Variants in ZNF48 observed in about 807,000 individuals in gnomAD.
ZNF48 encodes zinc finger protein 553.
ZNF48 carries 20 observed loss-of-function variants against 40.0 expected under a neutral mutation model. The ratio of observed to expected loss-of-function variants is 0.50; its 90% CI spans 0.35 to 0.73. ZNF48 has a LOEUF of 0.73. Among genes scored for constraint, ZNF48 ranks in the 30% least tolerant of loss-of-function variants. The pLI is 0.01. For synonymous variants in ZNF48, 298 were observed against 329.7 expected, an observed-to-expected ratio of 0.90 and a Z score of 1.04; for missense variants, 726 against 851.9, an observed-to-expected ratio of 0.85 and a Z score of 1.84.
chr16:30,380,970 A>G, intron 1 of ZNF48: 1 of 711,446 alleles, frequency 1.4e-6, no homozygotes, highest in Non-Finnish European at 2.5e-6. Flanking sequence ...AGACATGGCT[A>G]TGCTGGCGGC....
chr16:30,387,818 C>G (rs558579907), intron 1 of ZNF48, among the ~76,000 whole-genome samples: 1 of 152,106 alleles, frequency 6.6e-6, no homozygotes, highest in African/African-American at 2.4e-5. Context: ...CTTGGCCTCC[C>G]AATCACTATC....
At chr16:30,390,533 C>G (rs1345386189), upstream of ZNF48, among the ~76,000 whole-genome samples, 2 of 150,454 alleles carry the variant, frequency 1.3e-5, no homozygotes, top group Non-Finnish European at 3.0e-5. Flanking sequence ...CTCAGCCTCC[C>G]GAGTAGCTGG....
Position 30,382,423 on chromosome 16 carries a change from A to G in ZNF48, c.-16+4013A>G. 5.7e-6 allele frequency: 9 copies of G among 1,569,080 alleles called. No individual in the cohort carries two copies. Among genetic ancestry groups the G allele is most frequent in the Non-Finnish European group, 7.0e-6 (8 of 1,146,700 alleles). On this transcript the variant is annotated intron_variant, in intron 1 of 2. Transcript: ENST00000528032. The surrounding 1 kb of genome is among the most constrained non-coding windows in gnomAD (Gnocchi z 4.8). ...GGCAATGGCAGGCAGGGTCCCCAGG[A>G]TCACTTGAGTTCCTGGGCTAGGAAG...
At chr16:30,384,086 G>A (rs569577871) in intron 1 of ZNF48, among the ~76,000 whole-genome samples, 43 of 152,050 alleles carry the variant, frequency 2.8e-4, no homozygotes, top group Admixed American at 1.4e-3. Context: ...ATGGTGGTGC[G>A]TACCTATAAT....
rs949561335 is a variant in ZNF48, at chr16:30,396,032, C to T, written c.79+159C>T. The T allele has an allele frequency of 8.8e-6, 6 of 679,356 alleles. No homozygotes were observed. The Admixed American group carries it at 1.4e-4, about 16-fold the overall frequency. 42.1% of individuals were successfully genotyped at this position (679,356 alleles called of 1,614,324 possible). On this transcript the variant is annotated intron_variant, in intron 2 of 2. Transcript: ENST00000613509. ...TTCGGAGCACCAACTGTGCGCCAGGCCGGGAGGGGCTCTTCACGGCCTCTG... is the reference window on the plus strand; with the variant it reads ...TTCGGAGCACCAACTGTGCGCCAGGTCGGGAGGGGCTCTTCACGGCCTCTG...
In ZNF48 at chr16:30,388,941, C is replaced by A. The variant is rs186935347; in HGVS notation, c.-15-6839C>A. Among the ~76,000 whole-genome samples, 385 of 151,442 alleles carry A rather than the reference C, an allele frequency of 2.5e-3. 2 individuals are homozygous for A. The highest frequency in any genetic ancestry group is 4.0e-3 in the Non-Finnish European group (274 of 67,758). On this transcript the variant is annotated intron_variant, in intron 1 of 2. Transcript: ENST00000528032. ...TAAATAAAAATAAAAACAAAAACAACAACAAAAAGAAAACAACCCTGCAAA... is the reference window on the plus strand; with the variant it reads ...TAAATAAAAATAAAAACAAAAACAAAAACAAAAAGAAAACAACCCTGCAAA...
At chr16:30,378,863 G>GGAGAGGGGGAGAGAGA (rs2049794130) in intron 1 of ZNF48, among the ~76,000 whole-genome samples, 1 of 140,224 alleles carries the variant, frequency 7.1e-6, no homozygotes, top group African/African-American at 2.7e-5. Context: ...GGGGAGAGAG[G>GGAGAGGGGGAGAGAGA]GAGAGACGGA....
Position 30,399,182 on chromosome 16 carries a change from G to C in ZNF48, c.*75G>C, listed in dbSNP as rs1056474547. On this transcript the variant is annotated 3_prime_UTR_variant, in exon 3 of 3. Coordinates refer to ENST00000613509, the MANE Select transcript of ZNF48 (RefSeq NM_001214909.2). ...CCGCTTAGCAGAGAAGAAAGGGCCT[G>C]GGAGGTGGTGGGAGGGAGAAGGAAG... 38 of 1,346,604 alleles carry C rather than the reference G, an allele frequency of 2.8e-5. No individual in the cohort carries two copies. The highest frequency in any genetic ancestry group is 3.8e-5 in the Non-Finnish European group (38 of 999,090). 83.4% of individuals were successfully genotyped at this position (1,346,604 alleles called of 1,614,324 possible). A position where few individuals can be genotyped will look rare whatever the true frequency, so the allele number is the denominator to read the frequency against.
chr16:30,381,215 C>T lies in ZNF48; in HGVS notation c.-16+2805C>T, dbSNP rs959407820. 30 of 1,613,840 alleles carry T rather than the reference C, an allele frequency of 1.9e-5. No homozygotes were observed. Among genetic ancestry groups the T allele is most frequent in the East Asian group, 1.8e-4 (8 of 44,894 alleles). On this transcript the variant is annotated intron_variant, in intron 1 of 2. Coordinates refer to the ZNF48 transcript ENST00000528032. The surrounding 1 kb of genome is among the most constrained non-coding windows in gnomAD (Gnocchi z 4.3). ...GATGTTGACTTTCTCGTGTACTGCC[C>T]GGAGGAAGGCCACATCTAGGGGCCG... is the stretch of plus-strand genomic sequence containing the variant.
At position 30,398,172 on chromosome 16, in the gene ZNF48, T is replaced by C; in HGVS notation, c.922T>C (p.Cys308Arg). 6.2e-7 allele frequency: 1 copy of C among 1,614,080 alleles called. No homozygotes were observed. The highest frequency in any genetic ancestry group is 8.5e-7 in the Non-Finnish European group (1 of 1,179,988). Residue 308 changes from cysteine to arginine, a missense_variant, in exon 3 of 3, where the codon TGT becomes CGT. This residue lies in a region of ZNF48 where 378 missense variants were observed against 449.1 expected (regional missense o/e 0.84). Transcript: ENST00000613509. The surrounding 1 kb of genome is among the most constrained non-coding windows in gnomAD (Gnocchi z 6.6). Reference sequence around the variant, plus strand: ...GCCCAAGCCCTTTGGCTGTGATGTGTGTGGAAAGGAGTTTGCCCGGGGATC... The same window carrying C: ...GCCCAAGCCCTTTGGCTGTGATGTGCGTGGAAAGGAGTTTGCCCGGGGATC... Reference protein sequence around the residue: ...LGPKPFGCDVCGKEFARGSDL... With the variant: ...LGPKPFGCDVRGKEFARGSDL...
Position 30,381,977 on chromosome 16 carries a change from A to G in ZNF48, c.-16+3567A>G. ...TCACAGTTGCCTGCACCCATTTCCC[A>G]GGGGAGGAAAGTCTCAGAAAAAAAG... On this transcript the variant is annotated intron_variant, in intron 1 of 2. Transcript: ENST00000528032. This position sits in a 1 kb window ranked among gnomAD's most constrained non-coding sequence, Gnocchi z 4.3. 1 of 1,603,570 alleles carries G rather than the reference A, an allele frequency of 6.2e-7. No homozygotes were observed. The highest frequency in any genetic ancestry group is 8.5e-7 in the Non-Finnish European group (1 of 1,173,360).
intron 1 of ZNF48, chr16:30,379,356 A>G (rs41292378): frequency 0.019 from 26,934 of 1,453,478 alleles, 312 homozygotes; most frequent in Non-Finnish European, 0.022. Context: ...GCCCACCCCA[A>G]CTTCACATGT....
chr16:30,398,575 C>A lies in ZNF48; in HGVS notation c.1325C>A (p.Pro442His), dbSNP rs775537160. ...GGGGGCCCACAGGCTGGGGAGCCAC[C>A]CCCACCACTGGCGGGCGACAAGCCC... ...EPGGPQAGEP[P>H]PPLAGDKPHK... The change falls in exon 3 of 3, where the codon CCC becomes CAC. Residue 442 changes from proline (P) to histidine (H), a missense_variant. Physicochemically the swap from Pro to His is moderately conservative, Grantham distance 77. This residue lies in a region of ZNF48 where 378 missense variants were observed against 449.1 expected (regional missense o/e 0.84). Transcript: ENST00000613509. This position sits in a 1 kb window ranked among gnomAD's most constrained non-coding sequence, Gnocchi z 6.6. The A allele has an allele frequency of 6.2e-7, 1 of 1,612,060 alleles. No homozygotes were observed. Among genetic ancestry groups the A allele is most frequent in the South Asian group, 1.1e-5 (1 of 91,038 alleles).
In ZNF48 at chr16:30,382,597, G is replaced by T. The variant is rs778087030; in HGVS notation, c.-16+4187G>T. The T allele has an allele frequency of 2.6e-6, 4 of 1,558,522 alleles. No homozygotes were observed. Among genetic ancestry groups the T allele is most frequent in the Non-Finnish European group, 3.5e-6 (4 of 1,151,030 alleles). On this transcript the variant is annotated intron_variant, in intron 1 of 2. Transcript: ENST00000528032. This position sits in a 1 kb window ranked among gnomAD's most constrained non-coding sequence, Gnocchi z 4.8. ...TCTGGTGGGGCAGGAAGCTGAGTGC[G>T]GCTAACAAGGGGGCGGGCAGAAGAG...
chr16:30,385,894 G>C (rs2049897208), intron 1 of ZNF48, among the ~76,000 whole-genome samples: 2 of 152,138 alleles, frequency 1.3e-5, no homozygotes. Context: ...GGGAGGCTGA[G>C]GTGGGAGGAT....
chr16:30,398,778 C>A lies in ZNF48; in HGVS notation c.1528C>A (p.Pro510Thr). 1 of 1,613,802 alleles carries A rather than the reference C, an allele frequency of 6.2e-7. No homozygotes were observed. Among genetic ancestry groups the A allele is most frequent in the East Asian group, 2.2e-5 (1 of 44,884 alleles). Residue 510 changes from proline (P) to threonine (T), a missense_variant, in exon 3 of 3, where the codon CCA (proline) becomes ACA (threonine). Transcript: ENST00000613509. This position sits in a 1 kb window ranked among gnomAD's most constrained non-coding sequence, Gnocchi z 6.6. ...CCGTGGTGAACGGGCCCGGCCACCA[C>A]CACCATCCACTCTGCTGCGGCCACA... is the stretch of plus-strand genomic sequence containing the variant. ...THRGERARPP[P>T]PSTLLRPHNP...
intron 1 of ZNF48, chr16:30,378,675 C>G (rs1389481853): frequency 6.2e-7 from 1 of 1,609,128 alleles, no homozygotes; most frequent in East Asian, 2.2e-5. Context: ...AGCGGGATCT[C>G]TGTGGCGCTC....
At chr16:30,379,624 C>CT in intron 1 of ZNF48, 1 of 602,578 alleles carries the variant, frequency 1.7e-6, no homozygotes, top group South Asian at 1.9e-5. Context: ...GCCTCCTCTG[C>CT]TTCCTGCCCC....
At position 30,381,598 on chromosome 16, in the gene ZNF48, G is replaced by T; in HGVS notation, c.-16+3188G>T. 1 of 1,461,766 alleles carries T rather than the reference G, an allele frequency of 6.8e-7. No individual in the cohort carries two copies. Among genetic ancestry groups the T allele is most frequent in the Non-Finnish European group, 9.4e-7 (1 of 1,063,888 alleles). 90.5% of individuals were successfully genotyped at this position (1,461,766 alleles called of 1,614,324 possible). A position where few individuals can be genotyped will look rare whatever the true frequency, so the allele number is the denominator to read the frequency against. On this transcript the variant is annotated intron_variant, in intron 1 of 2. Coordinates refer to the ZNF48 transcript ENST00000528032. The surrounding 1 kb of genome is among the most constrained non-coding windows in gnomAD (Gnocchi z 4.3). ...CCCTCCAAAGACATTAAGGGGAACT[G>T]GTGGGGGCCTAGGTGAGTCATCAAG...
Sources: gnomAD v4.1 joint callset for allele counts (sites outside exome capture counted in the v4.1 genomes callset) on GRCh38, gnomAD v4.1.1 for gene constraint, gnomAD v4.1.1 regional missense constraint, Gnocchi (gnomAD v3.1) non-coding constraint, MANE v1.5 for transcripts, NCBI Gene and HGNC (gene_info 2026-07-23, HGNC 2026-07-21) for gene names.